POU2F1: variants seen among roughly 807,000 people sequenced by gnomAD.
The protein encoded by POU2F1 is POU domain, class 2, transcription factor 1.
A neutral mutation model predicts 84.9 loss-of-function variants in POU2F1; 16 were observed. The ratio of observed to expected loss-of-function variants is 0.19; its 90% confidence interval spans 0.13 to 0.29. The LOEUF is 0.29. Among genes scored for constraint, POU2F1 ranks in the 10% least tolerant of loss-of-function variants. The probability of loss-of-function intolerance (pLI) is 1.00; values close to 1 mark genes in which losing one functional copy is unlikely to be tolerated. For synonymous variants in POU2F1, 368 were observed against 368.3 expected (o/e 1.00, Z 0.01); for missense variants, 738 against 942.6 (o/e 0.78, Z 2.84).
rs1273158268 is a variant in POU2F1 at position 167,425,163 on chromosome 1, T to C, written c.*9353T>C. 4 of 152,278 alleles carry C rather than the reference T, an allele frequency of 2.6e-5. No individual in the cohort carries two copies. The highest frequency in any genetic ancestry group is 3.9e-4 in the East Asian group (2 of 5,184). 9.4% of individuals were successfully genotyped at this position (152,278 alleles called of 1,614,324 possible). ...CCCAACCTTCAATTCCCACCCCTAA[T>C]GCTGACAAAAAGCTTAGCCAGGTCA... is the stretch of plus-strand genomic sequence containing the variant. On this transcript the variant is annotated 3_prime_UTR_variant, in exon 16 of 16. Coordinates refer to ENST00000367866, the MANE Select transcript of POU2F1 (RefSeq NM_002697.4).
chr1:167,413,153 G>T, intron 15 of POU2F1, 39 bp downstream of exon 15: 3 of 1,386,590 alleles, frequency 2.2e-6, no homozygotes, highest in Middle Eastern at 1.8e-4. Flanking sequence ...TGGCATGCAC[G>T]TGTGTGTGAG....
At chr1:167,313,924 A>AT (rs1423327351) in intron 1 of POU2F1, among the ~76,000 whole-genome samples, 3 of 152,094 alleles carry the variant, frequency 2.0e-5, no homozygotes, top group South Asian at 2.1e-4. Flanking sequence ...AAATTTTTGG[A>AT]TTTTTTTAGA....
At chr1:167,363,227 G>A (rs1395241571) in intron 2 of POU2F1, among the ~76,000 whole-genome samples, 1 of 152,144 alleles carries the variant, frequency 6.6e-6, no homozygotes, top group Non-Finnish European at 1.5e-5. Flanking sequence ...CAAACTCCAT[G>A]AGAGTGGAAT....
intron 1 of POU2F1, among the ~76,000 whole-genome samples, chr1:167,255,488 T>G (rs1651063111): frequency 6.6e-6 from 1 of 152,148 alleles, no homozygotes; most frequent in Non-Finnish European, 1.5e-5. Flanking sequence ...AAAAATAAGA[T>G]AGTTTTTATG....
chr1:167,275,409 CTG>C (rs903877349), intron 1 of POU2F1, among the ~76,000 whole-genome samples: 23 of 151,454 alleles, frequency 1.5e-4, no homozygotes, highest in African/African-American at 5.6e-4. Context: ...TATTTAAAAA[CTG>C]TATTAAAACT....
intron 1 of POU2F1, among the ~76,000 whole-genome samples, chr1:167,237,753 TATATATATATATATATATA>T (rs1189832419): frequency 1.1e-4 from 5 of 44,478 alleles, no homozygotes; most frequent in African/African-American, 4.1e-4. Flanking sequence ...TGTGTATATA[TATATATATATATATATATA>T]TTTTTTTTTT....
At chr1:167,349,577 G>A (rs1004206871) in intron 2 of POU2F1, among the ~76,000 whole-genome samples, 47 of 152,182 alleles carry the variant, frequency 3.1e-4, no homozygotes, top group African/African-American at 1.1e-3. Flanking sequence ...TGCTCAATAC[G>A]TATTTTTTGA....
At chr1:167,223,620 T>G (rs1648404444) in intron 1 of POU2F1, among the ~76,000 whole-genome samples, 1 of 152,174 alleles carries the variant, frequency 6.6e-6, no homozygotes, top group Non-Finnish European at 1.5e-5. Context: ...TCAGTTTAAT[T>G]TGTAACAAAA....
chr1:167,260,758 T>G (rs1217044783), intron 1 of POU2F1, among the ~76,000 whole-genome samples: 1 of 152,196 alleles, frequency 6.6e-6, no homozygotes, highest in Admixed American at 6.5e-5. Context: ...TGTTTACTAC[T>G]ATGTTATTGC....
At chr1:167,249,842 A>G (rs2102400724) in intron 1 of POU2F1, among the ~76,000 whole-genome samples, 1 of 152,336 alleles carries the variant, frequency 6.6e-6, no homozygotes, top group South Asian at 2.1e-4. Context: ...ACTCACCTAC[A>G]GTGAGGATGG....
In POU2F1 at chr1:167,394,841, T is replaced by C. The variant is rs550539858; in HGVS notation, c.988-1445T>C. On this transcript the variant is annotated intron_variant, in intron 9 of 15. Transcript: ENST00000367866. Reference sequence around the variant, plus strand: ...AAATGGGGTTTTAAAAATATGTTACTTTTTTAACCCAACTACCACCTAATA... The same window carrying C: ...AAATGGGGTTTTAAAAATATGTTACCTTTTTAACCCAACTACCACCTAATA... Among the ~76,000 whole-genome samples, 8 of 152,332 alleles carry C rather than the reference T, an allele frequency of 5.3e-5. No homozygotes were observed. In the South Asian group the frequency reaches 1.7e-3, roughly 32 times the overall value.
intron 2 of POU2F1, among the ~76,000 whole-genome samples, chr1:167,339,281 CA>C (rs1657679589): frequency 6.6e-6 from 1 of 152,126 alleles, no homozygotes; most frequent in Admixed American, 6.5e-5. Flanking sequence ...ATTGGATTTG[CA>C]AAATACCTTT....
chr1:167,360,325 G>A (rs1482045547), intron 2 of POU2F1, among the ~76,000 whole-genome samples: 2 of 152,186 alleles, frequency 1.3e-5, no homozygotes, highest in Non-Finnish European at 2.9e-5. Flanking sequence ...GGTTTTTACA[G>A]TTTGTGGTCT....
At chr1:167,392,664 T>C (rs1648510855) in intron 9 of POU2F1, among the ~76,000 whole-genome samples, 1 of 152,214 alleles carries the variant, frequency 6.6e-6, no homozygotes. Flanking sequence ...AGCTTCCCTA[T>C]GGTCTGGTGT....
intron 1 of POU2F1, among the ~76,000 whole-genome samples, chr1:167,251,803 C>T (rs544880440): frequency 9.9e-5 from 15 of 151,350 alleles, no homozygotes; most frequent in East Asian, 1.9e-4. Context: ...TAATGGATAA[C>T]GTAAAATAAT....
chr1:167,331,308 T>G (rs1657068758), intron 1 of POU2F1, among the ~76,000 whole-genome samples: 2 of 152,086 alleles, frequency 1.3e-5, no homozygotes, highest in Non-Finnish European at 2.9e-5. Flanking sequence ...TTCTCATCTG[T>G]TATGCATGGG....
chr1:167,312,588 A>G (rs1384748578), intron 1 of POU2F1, among the ~76,000 whole-genome samples: 1 of 152,126 alleles, frequency 6.6e-6, no homozygotes, highest in Non-Finnish European at 1.5e-5. Context: ...ACAGTGAGCT[A>G]AGGTTAACTT....
chr1:167,368,184 A>G (rs1220652785), intron 3 of POU2F1, among the ~76,000 whole-genome samples: 2 of 152,140 alleles, frequency 1.3e-5, no homozygotes, highest in African/African-American at 4.8e-5. Context: ...ATTCCTCAGC[A>G]TGTCTTTGTC....
chr1:167,379,885 G>A (rs1268742588), intron 7 of POU2F1: 1 of 152,058 alleles, frequency 6.6e-6, no homozygotes. Flanking sequence ...TGATTTTTTG[G>A]TACTTGCAAA....
Sources: gnomAD v4.1 joint callset for allele counts (sites outside exome capture counted in the v4.1 genomes callset) on GRCh38, gnomAD v4.1.1 for gene constraint, MANE v1.5 for transcripts, NCBI Gene and HGNC (gene_info 2026-07-23, HGNC 2026-07-21) for gene names.